Variants in FAM72B observed in about 807,000 individuals in gnomAD.
The protein encoded by FAM72B is protein FAM72B.
A neutral mutation model predicts 12.6 loss-of-function variants in FAM72B; 4 were observed. That is an observed-to-expected ratio of 0.32 (90% CI 0.16 to 0.73). The LOEUF is 0.73. Among genes scored for constraint, FAM72B ranks in the 30% least tolerant of loss-of-function variants. The pLI, the probability that FAM72B is intolerant of heterozygous loss-of-function variation, is 0.67. For missense variants in FAM72B, 61 were observed against 158.4 expected (o/e 0.39, Z 3.30); for synonymous variants, 13 against 53.9 (o/e 0.24, Z 3.32).
chr1:121,180,424 A>G (rs1199301271), intron 2 of FAM72B, among the ~76,000 whole-genome samples: 5 of 133,552 alleles, frequency 3.7e-5, no homozygotes, highest in African/African-American at 9.2e-5. Flanking sequence ...TGGTGCGTGC[A>G]TGTAATCCCA....
chr1:121,181,065 C>A (rs1426725704), intron 2 of FAM72B, among the ~76,000 whole-genome samples: 1 of 149,504 alleles, frequency 6.7e-6, no homozygotes, highest in Admixed American at 6.7e-5. Flanking sequence ...ACTGTGAATA[C>A]ACTTTGAAAA....
intron 3 of FAM72B, among the ~76,000 whole-genome samples, chr1:121,169,846 A>T: frequency 6.6e-6 from 1 of 152,102 alleles, no homozygotes; most frequent in East Asian, 1.9e-4. Context: ...TAAATGACTA[A>T]ACATACAGTA....
intron 3 of FAM72B, among the ~76,000 whole-genome samples, chr1:121,169,057 C>T (rs1654035533): frequency 6.6e-6 from 1 of 151,228 alleles, no homozygotes; most frequent in Admixed American, 6.6e-5. Context: ...CTGTGTTGCC[C>T]AGGCTGGAGT....
intron 2 of FAM72B, among the ~76,000 whole-genome samples, chr1:121,177,548 C>CTCT (rs1654243043): frequency 9.6e-6 from 1 of 103,822 alleles, no homozygotes. Context: ...CATTTCTTTG[C>CTCT]TATTATTATT....
At position 121,168,731 on chromosome 1, in the gene FAM72B, A is replaced by G; in HGVS notation, c.*10T>C. On this transcript the variant is annotated 3_prime_UTR_variant, in exon 4 of 4. Transcript: ENST00000369390. Reference sequence around the variant, plus strand: ...AAAAAGTTTGTATATCATATATATCATAATTCCATTTATCTAATACACTCC... The same window carrying G: ...AAAAAGTTTGTATATCATATATATCGTAATTCCATTTATCTAATACACTCC... 1 of 1,542,456 alleles carries G rather than the reference A, an allele frequency of 6.5e-7. No homozygotes were observed. The highest frequency in any genetic ancestry group is 2.3e-5 in the East Asian group (1 of 43,580).
intron 3 of FAM72B, among the ~76,000 whole-genome samples, chr1:121,169,971 CT>C (rs57530078): frequency 0.015 from 2,255 of 147,314 alleles, 25 homozygotes; most frequent in Non-Finnish European, 0.024. Context: ...AAAAGCAAAT[CT>C]TTTTTTTTTT....
chr1:121,174,305 G>C (rs1654160543), intron 3 of FAM72B, among the ~76,000 whole-genome samples: 2 of 151,390 alleles, frequency 1.3e-5, no homozygotes, highest in Admixed American at 1.3e-4. Context: ...AAGTTATCCA[G>C]AAAATCTAGC....
chr1:121,172,592 G>A (rs1432773602), intron 3 of FAM72B, among the ~76,000 whole-genome samples: 5 of 146,016 alleles, frequency 3.4e-5, no homozygotes, highest in East Asian at 3.9e-4. Context: ...GCAAAACCCC[G>A]TCCCTACTAA....
At chr1:121,176,448 A>G (rs1654214732) in intron 3 of FAM72B, among the ~76,000 whole-genome samples, 1 of 105,164 alleles carries the variant, frequency 9.5e-6, no homozygotes, top group African/African-American at 4.0e-5. Flanking sequence ...CTGGGATTAC[A>G]GGCATGAGCC....
intron 2 of FAM72B, among the ~76,000 whole-genome samples, chr1:121,180,767 G>A (rs1439025039): frequency 6.6e-6 from 1 of 151,262 alleles, no homozygotes; most frequent in Non-Finnish European, 1.5e-5. Context: ...GCTGAGGTAG[G>A]AGAATCACTT....
rs1553318172 is a variant in FAM72B at position 121,183,953 on chromosome 1, T to A, written c.-464A>T. 5.7e-6 allele frequency: 1 copy of A among 174,820 alleles called. No homozygotes were observed. The highest frequency in any genetic ancestry group is 2.5e-5 in the African/African-American group (1 of 39,544). 10.8% of individuals were successfully genotyped at this position (174,820 alleles called of 1,614,324 possible). On this transcript the variant is annotated 5_prime_UTR_variant, in exon 1 of 4. Transcript: ENST00000369390. ...CCCCCGGAGCGCTCCGGTTCCCTGC[T>A]GTCGGATCTCGGGCTAAGCATCCCT... is the stretch of plus-strand genomic sequence containing the variant.
chr1:121,179,529 CA>C (rs1654285163), intron 2 of FAM72B, among the ~76,000 whole-genome samples: 1 of 151,794 alleles, frequency 6.6e-6, no homozygotes, highest in South Asian at 2.1e-4. Flanking sequence ...ACTAAAAATA[CA>C]AAAATTAGCC....
At position 121,176,820 on chromosome 1, in the gene FAM72B, C is replaced by T. The variant is rs145393864; in HGVS notation, c.355+388G>A. Among the ~76,000 whole-genome samples the T allele has an allele frequency of 6.5e-4, 99 of 152,332 alleles. 2 individuals carry two copies. The East Asian group carries it at 0.017, about 27-fold the overall frequency. ...TACTTAGTCCTCCTCCTCTCAACTC[C>T]CATTGCCCTAGGCTTGGCCTCTCCC... On this transcript the variant is annotated intron_variant, in intron 3 of 3. Transcript: ENST00000369390.
At chr1:121,174,743 A>C (rs1570680827) in intron 3 of FAM72B, among the ~76,000 whole-genome samples, 4 of 131,786 alleles carry the variant, frequency 3.0e-5, no homozygotes, top group Non-Finnish European at 4.8e-5. Flanking sequence ...TTCAAACTCC[A>C]CCTCCTGGGT....
intron 3 of FAM72B, among the ~76,000 whole-genome samples, chr1:121,169,107 G>C (rs1170931496): frequency 6.8e-6 from 1 of 147,782 alleles, no homozygotes; most frequent in Non-Finnish European, 1.5e-5. Context: ...GATCACTGCA[G>C]CCTGAACCTC....
chr1:121,183,617 G>T lies in FAM72B; in HGVS notation c.-128C>A. The T allele has an allele frequency of 1.3e-6, 2 of 1,574,022 alleles. No homozygotes were observed. Among genetic ancestry groups the T allele is most frequent in the Non-Finnish European group, 1.7e-6 (2 of 1,165,564 alleles). The stretch of plus-strand genomic sequence containing the variant: ...AGAGCTTTTCTAAGTCCTAATATTG[G>T]GAAGGAAATTAGTTTTTTTTTTCTG... On this transcript the variant is annotated 5_prime_UTR_variant, in exon 1 of 4. Transcript: ENST00000369390.
At chr1:121,179,800 C>T (rs1424552385) in intron 2 of FAM72B, among the ~76,000 whole-genome samples, 2 of 142,736 alleles carry the variant, frequency 1.4e-5, no homozygotes, top group African/African-American at 2.8e-5. Context: ...TGCACTCTAG[C>T]CTGGGCGACA....
At chr1:121,173,244 G>A (rs2101315753) in intron 3 of FAM72B, among the ~76,000 whole-genome samples, 1 of 140,108 alleles carries the variant, frequency 7.1e-6, no homozygotes, top group East Asian at 2.2e-4. Flanking sequence ...GAGTGCAGCG[G>A]TGCCACCTCG....
intron 2 of FAM72B, among the ~76,000 whole-genome samples, chr1:121,180,146 A>G (rs1386436228): frequency 1.2e-5 from 1 of 84,750 alleles, no homozygotes; most frequent in Non-Finnish European, 2.1e-5. Context: ...AATAGCTCTC[A>G]GCTGTTGTAA....
Sources: gnomAD v4.1 joint callset for allele counts (sites outside exome capture counted in the v4.1 genomes callset) on GRCh38, gnomAD v4.1.1 for gene constraint, MANE v1.5 for transcripts, NCBI Gene and HGNC (gene_info 2026-07-23, HGNC 2026-07-21) for gene names.